Variants in CATSPERE observed in about 807,000 individuals in gnomAD.
The protein encoded by CATSPERE is cation channel sperm-associated auxiliary subunit epsilon.
CATSPERE carries 93 observed loss-of-function variants against 114.1 expected under a neutral mutation model. The ratio of observed to expected loss-of-function variants is 0.81; its 90% CI spans 0.69 to 0.97. The LOEUF (loss-of-function observed/expected upper bound fraction) is 0.97, where lower values mean the gene tolerates loss of function less well. Ranked by LOEUF, CATSPERE falls within the 50% of genes least tolerant of loss-of-function variation. CATSPERE has a pLI of 0.00. For synonymous variants in CATSPERE, 341 were observed against 384.1 expected (o/e 0.89, Z 1.31); for missense variants, 1,058 against 1,131.6 (o/e 0.93, Z 0.93).
Position 244,479,780 on chromosome 1 carries a change from GT to G in CATSPERE, c.324del (p.Arg109AspfsTer35). ...TACTTGCTTTCTGTGGTACTATAGAGTTAGGTAAGTAATGCAGTACTGAATA... is the reference window on the plus strand; with the variant it reads ...TACTTGCTTTCTGTGGTACTATAGAGTAGGTAAGTAATGCAGTACTGAATA... ...SHTCFLWYYR[V>X]RHFFNNFTQL... On this transcript the variant is annotated frameshift_variant, in exon 5 of 22. Transcript: ENST00000366534. LOFTEE classifies it high-confidence loss of function. The G allele has an allele frequency of 6.4e-7, 1 of 1,571,530 alleles. No homozygotes were observed. Among genetic ancestry groups the G allele is most frequent in the Non-Finnish European group, 8.7e-7 (1 of 1,147,854 alleles).
At chr1:244,626,770 AAG>A (rs1673257563) in intron 20 of CATSPERE, among the ~76,000 whole-genome samples, 1 of 152,214 alleles carries the variant, frequency 6.6e-6, no homozygotes, top group African/African-American at 2.4e-5. Context: ...CCTAGAATTG[AAG>A]AGAGTGCTCT....
intron 19 of CATSPERE, among the ~76,000 whole-genome samples, chr1:244,612,822 G>T (rs1670912354): frequency 6.6e-6 from 1 of 152,142 alleles, no homozygotes; most frequent in Non-Finnish European, 1.5e-5. Context: ...ACCACGCCCG[G>T]CCAGGAGATT....
At chr1:244,630,331 A>G (rs1162896875) in intron 20 of CATSPERE, among the ~76,000 whole-genome samples, 1 of 152,212 alleles carries the variant, frequency 6.6e-6, no homozygotes, top group African/African-American at 2.4e-5. Flanking sequence ...TGTTTTCTGT[A>G]CAGTGTAATA....
At chr1:244,491,302 C>T (rs1025209080) in intron 6 of CATSPERE, among the ~76,000 whole-genome samples, 8 of 151,992 alleles carry the variant, frequency 5.3e-5, no homozygotes, top group Non-Finnish European at 7.4e-5. Context: ...CACTCAAAAC[C>T]GCTAACTACA....
chr1:244,558,511 C>T (rs1321999062), intron 9 of CATSPERE, among the ~76,000 whole-genome samples: 1 of 152,102 alleles, frequency 6.6e-6, no homozygotes, highest in African/African-American at 2.4e-5. Context: ...CTGAAACCTT[C>T]AGCATTTTTA....
intron 2 of CATSPERE, among the ~76,000 whole-genome samples, chr1:244,467,647 C>T (rs938584984): frequency 5.3e-5 from 8 of 152,150 alleles, no homozygotes; most frequent in African/African-American, 1.2e-4. Context: ...TATGTAGGAA[C>T]GGTTACGACA....
At chr1:244,489,450 ATTTTT>A (rs10524749) in intron 5 of CATSPERE, among the ~76,000 whole-genome samples, 17 of 85,564 alleles carry the variant, frequency 2.0e-4, no homozygotes, top group East Asian at 1.1e-3. Flanking sequence ...AAGCATGCAG[ATTTTT>A]TTTTTTTTTT....
At chr1:244,553,642 C>CAT (rs1553356237) in intron 9 of CATSPERE, among the ~76,000 whole-genome samples, 15 of 130,522 alleles carry the variant, frequency 1.1e-4, no homozygotes, top group African/African-American at 5.2e-4. Flanking sequence ...CACACACACA[C>CAT]ACATACATAT....
intron 13 of CATSPERE, among the ~76,000 whole-genome samples, chr1:244,585,965 G>C (rs897492289): frequency 6.6e-6 from 1 of 152,176 alleles, no homozygotes; most frequent in African/African-American, 2.4e-5. Flanking sequence ...TTATCTAACA[G>C]CATTTGTGTT....
In CATSPERE at chr1:244,610,300, C is replaced by T. The variant is rs1670536330; in HGVS notation, c.2464C>T (p.Pro822Ser). 1.2e-6 allele frequency: 2 copies of T among 1,612,960 alleles called. No homozygotes were observed. Reference sequence around the variant, plus strand: ...AATGATTGAACTTAACAAGCACCTCCCACTAGAAGAAGTCTGGGGACCTGA... The same window carrying T: ...AATGATTGAACTTAACAAGCACCTCTCACTAGAAGAAGTCTGGGGACCTGA... ...KSMIELNKHL[P>S]LEEVWGPENY... Residue 822 changes from proline to serine, a missense_variant, in exon 19 of 22, where the codon CCA becomes TCA. Physicochemically the swap from Pro to Ser is moderately conservative, Grantham distance 74. Coordinates refer to ENST00000366534, the MANE Select transcript of CATSPERE (RefSeq NM_001130957.2).
intron 6 of CATSPERE, 27 bp downstream of exon 6, chr1:244,490,498 G>A (rs763288748): frequency 1.5e-6 from 2 of 1,293,224 alleles, no homozygotes; most frequent in South Asian, 1.2e-5. Flanking sequence ...ATTTTGTATA[G>A]CCTTCATATA....
chr1:244,539,188 G>C (rs926237861), intron 8 of CATSPERE, among the ~76,000 whole-genome samples: 11 of 151,878 alleles, frequency 7.2e-5, no homozygotes, highest in African/African-American at 2.7e-4. Flanking sequence ...ATGAAGGGTT[G>C]TTGAATTTTG....
rs1361663446 is a variant in CATSPERE, at chr1:244,640,072, G to A, written c.2847G>A (p.Lys949=). The A allele has an allele frequency of 6.5e-7, 1 of 1,547,030 alleles. No individual in the cohort carries two copies. The highest frequency in any genetic ancestry group is 8.7e-7 in the Non-Finnish European group (1 of 1,144,362). Residue 949 remains lysine, a synonymous_variant, in exon 22 of 22, where the codon AAG becomes AAA. Transcript: ENST00000366534. The part of the protein sequence containing the change: ...EPLHKPQRKR[K]KN The stretch of plus-strand genomic sequence containing the variant: ...TTCACAAACCTCAAAGAAAACGTAA[G>A]AAGAATTAGGAAAACTGAAAGTTTG...
At chr1:244,466,766 G>A (rs1558308503) in intron 2 of CATSPERE, among the ~76,000 whole-genome samples, 1 of 152,178 alleles carries the variant, frequency 6.6e-6, no homozygotes, top group Non-Finnish European at 1.5e-5. Context: ...TGCCACCAGA[G>A]ATCAGGACCT....
At chr1:244,511,631 A>G (rs1202950535) in intron 7 of CATSPERE, among the ~76,000 whole-genome samples, 1 of 151,748 alleles carries the variant, frequency 6.6e-6, no homozygotes, top group Non-Finnish European at 1.5e-5. Flanking sequence ...TCTTTGTGTT[A>G]TTGATATACC....
In CATSPERE at chr1:244,596,303, AG is replaced by A. The variant is rs1668419845; in HGVS notation, c.2303+2726del. On this transcript the variant is annotated intron_variant, in intron 17 of 21. Transcript: ENST00000366534. The stretch of plus-strand genomic sequence containing the variant: ...TCCCCTTATTTAGCATATATTTATG[AG>A]TAGGTATAAATATAGCTAGCCAGCA... 2.0e-5 allele frequency among the ~76,000 whole-genome samples: 3 copies of A among 152,330 alleles called. No homozygotes were observed. The South Asian group carries it at 6.2e-4, about 32-fold the overall frequency.
chr1:244,619,966 T>C (rs1671886876), intron 20 of CATSPERE, among the ~76,000 whole-genome samples: 1 of 152,174 alleles, frequency 6.6e-6, no homozygotes, highest in African/African-American at 2.4e-5. Flanking sequence ...CAGAATCTGA[T>C]AGATCAAGTA....
rs532461266 is a variant in CATSPERE, at chr1:244,566,715, T to TTCA, written c.1507+5573_1507+5575dup. Among the ~76,000 whole-genome samples the TTCA allele has an allele frequency of 2.2e-4, 31 of 140,886 alleles. 1 individual carries two copies. Among genetic ancestry groups the TTCA allele is most frequent in the South Asian group, 1.5e-3 (6 of 3,956 alleles). The allele number at this position is 140,886 out of a possible 152,430, so 92.4% of individuals were successfully genotyped here. Reference sequence around the variant, plus strand: ...TTTCCATTTGCTTGGTAAATATTCCTTCATCCCTTTGAGCCTATGTGTGTC... The same window carrying TTCA: ...TTTCCATTTGCTTGGTAAATATTCCTTCATCATCCCTTTGAGCCTATGTGTGTC... On this transcript the variant is annotated intron_variant, in intron 10 of 21. Coordinates refer to ENST00000366534, the MANE Select transcript of CATSPERE (RefSeq NM_001130957.2).
intron 2 of CATSPERE, among the ~76,000 whole-genome samples, chr1:244,470,774 A>G (rs983840790): frequency 2.8e-4 from 42 of 152,248 alleles, no homozygotes; most frequent in Non-Finnish European, 8.8e-5. Context: ...ATGTTCATCA[A>G]CTAAGGAAAG....
Sources: gnomAD v4.1 joint callset for allele counts (sites outside exome capture counted in the v4.1 genomes callset) on GRCh38, gnomAD v4.1.1 for gene constraint, MANE v1.5 for transcripts, NCBI Gene and HGNC (gene_info 2026-07-23, HGNC 2026-07-21) for gene names.